Variants in ZFAT observed in about 807,000 individuals in gnomAD.
ZFAT encodes zinc finger protein ZFAT.
In ZFAT, 64 loss-of-function variants were observed where a neutral mutation model predicts 117.7. That is an observed-to-expected ratio of 0.54 (90% CI 0.44 to 0.67). The LOEUF is 0.67. Ranked by LOEUF, ZFAT falls within the 30% of genes least tolerant of loss-of-function variation. The pLI, the probability that ZFAT is intolerant of heterozygous loss-of-function variation, is 0.00. For synonymous variants in ZFAT, 679 were observed against 615.0 expected (o/e 1.10, Z -1.54); for missense variants, 1,433 against 1,584.5 (o/e 0.90, Z 1.62).
Position 134,610,614 on chromosome 8 carries a change from C to T in ZFAT, c.490G>A (p.Asp164Asn). 1 of 1,614,208 alleles carries T rather than the reference C, an allele frequency of 6.2e-7. No homozygotes were observed. The highest frequency in any genetic ancestry group is 8.5e-7 in the Non-Finnish European group (1 of 1,180,034). ...CTTTTCGAGGCTTTTTCCCGATCAT[C>T]TTCCTTACACTTCTTTTCTAGTTCA... ...DLELEKKCKEDDREKASKRPR... is the reference protein window; with the variant it reads ...DLELEKKCKENDREKASKRPR... The change falls in exon 4 of 16, where the codon GAT becomes AAT. Residue 164 changes from aspartate to asparagine, a missense_variant. Physicochemically the swap from Asp to Asn is conservative, Grantham distance 23. Transcript: ENST00000377838.
chr8:134,572,594 G>T (rs1215801902), intron 10 of ZFAT, among the ~76,000 whole-genome samples: 1 of 152,188 alleles, frequency 6.6e-6, no homozygotes, highest in African/African-American at 2.4e-5. Context: ...TCACAAAAAA[G>T]AGCCAGTGGC....
At chr8:134,510,015 T>G (rs1819697063) in intron 14 of ZFAT, 1 of 486,160 alleles carries the variant, frequency 2.1e-6, no homozygotes. Context: ...GAAGCCTCAT[T>G]TGGGCCACTG....
intron 10 of ZFAT, among the ~76,000 whole-genome samples, chr8:134,567,103 C>T (rs1234685410): frequency 2.0e-5 from 3 of 152,216 alleles, no homozygotes; most frequent in African/African-American, 7.2e-5. Context: ...TTCTCTGAAT[C>T]TGAGACTTGA....
At chr8:134,638,319 A>C (rs1830353927) in intron 2 of ZFAT, among the ~76,000 whole-genome samples, 1 of 152,142 alleles carries the variant, frequency 6.6e-6, no homozygotes, top group African/African-American at 2.4e-5. Context: ...GCTGCTTTAG[A>C]GCAAGTTTAA....
intron 1 of ZFAT, chr8:134,673,029 C>G (rs28603126): frequency 3.3e-5 from 5 of 151,936 alleles, no homozygotes; most frequent in Admixed American, 2.6e-4. Flanking sequence ...AAACAAAAAG[C>G]CTATCTCTGT....
At chr8:134,548,960 G>A (rs1360732903) in intron 11 of ZFAT, among the ~76,000 whole-genome samples, 11 of 152,156 alleles carry the variant, frequency 7.2e-5, no homozygotes, top group African/African-American at 2.2e-4. Context: ...CTGACTGCCC[G>A]ACTCACGTCA....
At chr8:134,816,998 G>A in the ZFAT span, among the ~76,000 whole-genome samples, 2 of 149,670 alleles carry the variant, frequency 1.3e-5, no homozygotes, top group Non-Finnish European at 1.5e-5. Flanking sequence ...AAAAAAAAAA[G>A]TATACCATTT....
chr8:134,726,336 C>T, the ZFAT span, among the ~76,000 whole-genome samples: 1 of 152,140 alleles, frequency 6.6e-6, no homozygotes, highest in East Asian at 1.9e-4. Flanking sequence ...TTGATTTTTC[C>T]GTCGGGCAAG....
At chr8:134,726,544 G>GA in the ZFAT span, among the ~76,000 whole-genome samples, 1 of 152,114 alleles carries the variant, frequency 6.6e-6, no homozygotes, top group Admixed American at 6.5e-5. Context: ...CCCAAGTCCT[G>GA]AGTCCAACTC....
intron 1 of ZFAT, among the ~76,000 whole-genome samples, chr8:134,658,277 C>T (rs1831739397): frequency 7.0e-6 from 1 of 143,458 alleles, no homozygotes; most frequent in Non-Finnish European, 1.5e-5. Context: ...GTGAAGCTTG[C>T]AGTGAGCCGA....
chr8:134,656,299 T>A (rs900066177), intron 2 of ZFAT, among the ~76,000 whole-genome samples: 1 of 152,198 alleles, frequency 6.6e-6, no homozygotes, highest in African/African-American at 2.4e-5. Flanking sequence ...TCCTCACTCC[T>A]GCTTCCTCTA....
chr8:134,752,510 G>C, the ZFAT span, among the ~76,000 whole-genome samples: 6 of 152,202 alleles, frequency 3.9e-5, no homozygotes, highest in Non-Finnish European at 7.3e-5. Context: ...AATTCTAAAT[G>C]ATCTATTTAG....
the ZFAT span, among the ~76,000 whole-genome samples, chr8:134,751,159 T>C: frequency 9.9e-5 from 15 of 152,134 alleles, no homozygotes; most frequent in African/African-American, 3.4e-4. Context: ...ACCTGAAATA[T>C]ACCTACTCAA....
intron 2 of ZFAT, among the ~76,000 whole-genome samples, chr8:134,649,202 C>CACACACACACA (rs71298211): frequency 6.8e-6 from 1 of 146,204 alleles, no homozygotes; most frequent in Non-Finnish European, 1.5e-5. Flanking sequence ...CACACACACA[C>CACACACACACA]CCCATCATAC....
chr8:134,574,171 G>A (rs952533366), intron 10 of ZFAT, among the ~76,000 whole-genome samples: 3 of 152,220 alleles, frequency 2.0e-5, no homozygotes, highest in Non-Finnish European at 4.4e-5. Context: ...GGAGCCAGCA[G>A]GGTACCTGCC....
At chr8:134,510,246 T>C (rs1398712214) in intron 14 of ZFAT, 1 of 433,450 alleles carries the variant, frequency 2.3e-6, no homozygotes, top group Non-Finnish European at 4.7e-6. Context: ...TCCAAACCAA[T>C]TGAAGCTGGG....
intron 2 of ZFAT, among the ~76,000 whole-genome samples, chr8:134,647,084 A>C (rs1830939378): frequency 1.3e-5 from 2 of 152,212 alleles, no homozygotes; most frequent in Admixed American, 6.5e-5. Context: ...AAAAAAAGAA[A>C]ATTACAGGCC....
the ZFAT span, among the ~76,000 whole-genome samples, chr8:134,739,287 ATGTG>A: frequency 0.31 from 46,237 of 150,280 alleles, 7,065 homozygotes; most frequent in South Asian, 0.35. Context: ...GTGTGTAGAG[ATGTG>A]TGTGTGTGTG....
chr8:134,543,829 A>C (rs1822470057), intron 11 of ZFAT, among the ~76,000 whole-genome samples: 1 of 152,122 alleles, frequency 6.6e-6, no homozygotes, highest in Non-Finnish European at 1.5e-5. Context: ...TAGATCCCCA[A>C]AGCATAAATC....
Sources: gnomAD v4.1 joint callset for allele counts (sites outside exome capture counted in the v4.1 genomes callset) on GRCh38, gnomAD v4.1.1 for gene constraint, MANE v1.5 for transcripts, NCBI Gene and HGNC (gene_info 2026-07-23, HGNC 2026-07-21) for gene names.